The following PUF60 variants were observed in gnomAD, a reference collection of about 807,000 sequenced individuals.
The protein encoded by PUF60 is poly(U) binding splicing factor 60, also known as poly(U)-binding-splicing factor PUF60.
Under a neutral mutation model 61.8 loss-of-function variants are expected in PUF60, and 10 were observed. That is an observed-to-expected ratio of 0.16 (90% CI 0.10 to 0.27). The LOEUF is 0.27. Among genes scored for constraint, PUF60 ranks in the 10% least tolerant of loss-of-function variants. PUF60 has a pLI of 1.00. For missense variants in PUF60, 371 were observed against 754.0 expected, an observed-to-expected ratio of 0.49 and a Z score of 5.95; for synonymous variants, 353 against 300.9, an observed-to-expected ratio of 1.17 and a Z score of -1.79.
At chr8:143,819,868 T>C (rs1816814701) in intron 5 of PUF60, among the ~76,000 whole-genome samples, 1 of 151,952 alleles carries the variant, frequency 6.6e-6, no homozygotes. Context: ...GCTCTCTCCC[T>C]GACCAGACCC....
chr8:143,818,541 C>G lies in PUF60; in HGVS notation c.349-7G>C. 1 of 1,582,092 alleles carries G rather than the reference C, an allele frequency of 6.3e-7. No homozygotes were observed. Among genetic ancestry groups the G allele is most frequent in the Non-Finnish European group, 8.6e-7 (1 of 1,165,082 alleles). On this transcript the variant is annotated splice_polypyrimidine_tract_variant and splice_region_variant and intron_variant, in intron 5 of 11. Transcript: ENST00000526683. The surrounding 1 kb of genome is among the most constrained non-coding windows in gnomAD (Gnocchi z 7.9). ...GCTGCCGCTGAGCCGCCATCTGCAGCAGGACAGAGGGGAGAGAACCGCTGG... is the reference window on the plus strand; with the variant it reads ...GCTGCCGCTGAGCCGCCATCTGCAGGAGGACAGAGGGGAGAGAACCGCTGG...
At chr8:143,826,881 C>T (rs926831823) in intron 1 of PUF60, 6 of 157,348 alleles carry the variant, frequency 3.8e-5, no homozygotes, top group African/African-American at 9.7e-5. Context: ...AACCTGCAGT[C>T]CCTGCACATG....
Position 143,818,328 on chromosome 8 carries a change from G to A in PUF60, c.511-43C>T. On this transcript the variant is annotated intron_variant, in intron 6 of 11. Transcript: ENST00000526683. This position sits in a 1 kb window ranked among gnomAD's most constrained non-coding sequence, Gnocchi z 7.9. ...CCTGTCAGGCTGCGCGAGCCCAGGGGTGGGGGCGAGCCCGAAGTGGCCGGG... is the reference window on the plus strand; with the variant it reads ...CCTGTCAGGCTGCGCGAGCCCAGGGATGGGGGCGAGCCCGAAGTGGCCGGG... 6.2e-7 allele frequency: 1 copy of A among 1,608,516 alleles called. No individual in the cohort carries two copies. Among genetic ancestry groups the A allele is most frequent in the South Asian group, 1.1e-5 (1 of 90,832 alleles).
rs527594934 is a variant in PUF60 at position 143,819,458 on chromosome 8, C to T, written c.349-924G>A. Among the ~76,000 whole-genome samples, 9 of 152,216 alleles carry T rather than the reference C, an allele frequency of 5.9e-5. 1 individual carries two copies. The South Asian group carries it at 1.7e-3, about 28-fold the overall frequency. On this transcript the variant is annotated intron_variant, in intron 5 of 11. Coordinates refer to ENST00000526683, the MANE Select transcript of PUF60 (RefSeq NM_078480.3). The stretch of plus-strand genomic sequence containing the variant: ...TGTGGGCCAGGGCAGGCAAAGCAGA[C>T]AGCTGGAGCCAGGCCCTGCCCCTCT...
At chr8:143,827,457 C>T (rs918564878) in intron 1 of PUF60, 3 of 456,186 alleles carry the variant, frequency 6.6e-6, no homozygotes, top group Middle Eastern at 3.3e-4. Context: ...GAGGGGAGGC[C>T]CTTCTGCATC....
At chr8:143,820,595 T>C in intron 5 of PUF60, 71 bp downstream of exon 5, 1 of 1,491,872 alleles carries the variant, frequency 6.7e-7, no homozygotes, top group Non-Finnish European at 9.3e-7. Context: ...CCCCAGCACG[T>C]GGGCTGCACT....
At chr8:143,826,752 G>A (rs1462813979) in intron 1 of PUF60, among the ~76,000 whole-genome samples, 4 of 152,086 alleles carry the variant, frequency 2.6e-5, no homozygotes, top group South Asian at 2.1e-4. Flanking sequence ...AATGTGGAGC[G>A]AATGACTGAA....
chr8:143,829,103 C>G (rs1434232482), intron 1 of PUF60, 177 bp downstream of exon 1: 59 of 1,134,684 alleles, frequency 5.2e-5, no homozygotes, highest in Non-Finnish European at 6.2e-5. Flanking sequence ...GGCCGCGAGC[C>G]GGCCGCCGGC....
intron 1 of PUF60, among the ~76,000 whole-genome samples, chr8:143,828,761 A>C (rs1235698658): frequency 4.6e-5 from 7 of 152,156 alleles, no homozygotes; most frequent in African/African-American, 1.7e-4. Context: ...AATGGAGATA[A>C]CCAGATCCCT....
intron 1 of PUF60, among the ~76,000 whole-genome samples, chr8:143,828,569 C>A (rs1250376346): frequency 6.6e-6 from 1 of 152,154 alleles, no homozygotes; most frequent in Admixed American, 6.5e-5. Flanking sequence ...ACGCAGCTCC[C>A]TAGGGCGCCC....
Position 143,817,872 on chromosome 8 carries a change from G to A in PUF60, c.807C>T (p.Tyr269=), listed in dbSNP as rs759256614. 2.2e-5 allele frequency: 36 copies of A among 1,611,918 alleles called. No homozygotes were observed. In the Admixed American group the frequency reaches 3.8e-4, roughly 17 times the overall value. Residue 269 remains tyrosine (Y), a synonymous_variant, in exon 8 of 12, where the codon TAC becomes TAT. Coordinates refer to ENST00000526683, the MANE Select transcript of PUF60 (RefSeq NM_078480.3). This position sits in a 1 kb window ranked among gnomAD's most constrained non-coding sequence, Gnocchi z 7.4. ...RDPTTGKHKG[Y]GFIEYEKAQS... ...GCCACCCCAGCTCACCAATGAAGCC[G>A]TAGCCCTTGTGCTTGCCAGTTGTGG...
chr8:143,819,359 C>T (rs1181269346), intron 5 of PUF60, among the ~76,000 whole-genome samples: 3 of 152,112 alleles, frequency 2.0e-5, no homozygotes, highest in Admixed American at 6.5e-5. Context: ...GACGGGTTCT[C>T]GCCCCTGTCA....
intron 4 of PUF60, 74 bp from the exon 5 acceptor site, chr8:143,820,790 G>A (rs1187451532): frequency 1.4e-6 from 2 of 1,438,162 alleles, no homozygotes; most frequent in African/African-American, 1.4e-5. Context: ...ACCTCACGCA[G>A]ACAGCGGCAA....
At chr8:143,828,710 G>A (rs1004490916) in intron 1 of PUF60, among the ~76,000 whole-genome samples, 5 of 152,314 alleles carry the variant, frequency 3.3e-5, no homozygotes, top group African/African-American at 9.6e-5. Context: ...AAACACGTAG[G>A]ATGAGAGCGC....
intron 2 of PUF60, 125 bp from the exon 3 acceptor site, chr8:143,822,038 A>G (rs1377109468): frequency 1.4e-5 from 10 of 692,644 alleles, no homozygotes; most frequent in Non-Finnish European, 2.1e-5. Flanking sequence ...CCCTTCTGAC[A>G]TTGCTGTCCC....
chr8:143,816,784 G>A lies in PUF60; in HGVS notation c.1416C>T (p.Pro472=), dbSNP rs1446122647. 3.1e-6 allele frequency: 5 copies of A among 1,613,428 alleles called. No individual in the cohort carries two copies. In the African/African-American group the frequency reaches 4.0e-5, roughly 13 times the overall value. ...CTTCCAGGTCATCATCGATGTCCTTGGGGTCCACCATGTTGCGCAGAACCA... is the reference window on the plus strand; with the variant it reads ...CTTCCAGGTCATCATCGATGTCCTTAGGGTCCACCATGTTGCGCAGAACCA... ...TVMVLRNMVD[P]KDIDDDLEGE... The change falls in exon 12 of 12, where the codon CCC becomes CCT. Residue 472 remains proline (P), a synonymous_variant. Coordinates refer to ENST00000526683, the MANE Select transcript of PUF60 (RefSeq NM_078480.3).
intron 2 of PUF60, chr8:143,822,760 T>G: frequency 2.8e-6 from 1 of 351,088 alleles, no homozygotes; most frequent in Non-Finnish European, 5.7e-6. Flanking sequence ...CGCAGCTGTG[T>G]GAGCAGGGAG....
chr8:143,816,591 A>G lies in PUF60; in HGVS notation c.1609T>C (p.Phe537Leu). 6.2e-7 allele frequency: 1 copy of G among 1,613,698 alleles called. No homozygotes were observed. The change falls in exon 12 of 12, where the codon TTT becomes CTT. Residue 537 changes from phenylalanine to leucine, a missense_variant. Around this residue, in one of 13 missense-constraint regions of PUF60, gnomAD observed 17 missense variants for 37.3 expected, o/e 0.46. Transcript: ENST00000526683. ...KAIQALNGRWFAGRKVVAEVY... is the reference protein window; with the variant it reads ...KAIQALNGRWLAGRKVVAEVY... ...TCAGCCACCACCTTGCGGCCAGCAA[A>G]CCAGCGGCCATTGAGGGCCTGGATG...
intron 1 of PUF60, chr8:143,828,984 C>T (rs1197976347): frequency 5.0e-6 from 5 of 991,822 alleles, no homozygotes; most frequent in African/African-American, 1.7e-5. Context: ...CTTGCCGGAC[C>T]TAGCGGACAG....
Sources: allele counts gnomAD v4.1 joint callset (sites outside exome capture counted in the v4.1 genomes callset), GRCh38; gene constraint gnomAD v4.1.1; regional missense constraint gnomAD v4.1.1; non-coding constraint Gnocchi (gnomAD v3.1); transcripts MANE v1.5; gene names NCBI Gene and HGNC (gene_info 2026-07-23, HGNC 2026-07-21).